ASAP2: variants seen among roughly 807,000 people sequenced by gnomAD.
ASAP2 encodes arf-GAP with SH3 domain, ANK repeat and PH domain-containing protein 2.
In ASAP2, 45 loss-of-function variants were observed where a neutral mutation model predicts 131.4. The observed-to-expected ratio is 0.34, with a 90% CI of 0.27 to 0.44. The LOEUF (loss-of-function observed/expected upper bound fraction) is 0.44, where lower values mean the gene tolerates loss of function less well. Ranked by LOEUF, ASAP2 falls within the 20% of genes least tolerant of loss-of-function variation. The pLI is 1.00. For missense variants in ASAP2, 1,011 were observed against 1,297.0 expected, an observed-to-expected ratio of 0.78 and a Z score of 3.39; for synonymous variants, 510 against 503.0, an observed-to-expected ratio of 1.01 and a Z score of -0.19.
intron 1 of ASAP2, among the ~76,000 whole-genome samples, chr2:9,212,603 T>C (rs115623695): frequency 2.2e-3 from 331 of 152,276 alleles, no homozygotes; most frequent in African/African-American, 7.1e-3. Context: ...TCCTCAATTC[T>C]TCCCATGCAC....
intron 1 of ASAP2, among the ~76,000 whole-genome samples, chr2:9,222,154 A>G (rs1662470534): frequency 6.6e-6 from 1 of 152,234 alleles, no homozygotes; most frequent in East Asian, 1.9e-4. Context: ...TGATTTGCAC[A>G]GAATAGGTGC....
At chr2:9,401,479 G>C in intron 27 of ASAP2, 83 bp downstream of exon 27, 1 of 1,533,124 alleles carries the variant, frequency 6.5e-7, no homozygotes, top group Non-Finnish European at 8.8e-7. Flanking sequence ...GCTTGCAGGT[G>C]AGGTTTTCTC....
At chr2:9,332,871 A>G (rs2148553872) in intron 7 of ASAP2, among the ~76,000 whole-genome samples, 1 of 152,372 alleles carries the variant, frequency 6.6e-6, no homozygotes, top group South Asian at 2.1e-4. Context: ...ATTCAGAAAA[A>G]AACGTATTAA....
intron 15 of ASAP2, 130 bp downstream of exon 15, chr2:9,359,019 G>C (rs570885551): frequency 1.7e-4 from 195 of 1,125,290 alleles, no homozygotes; most frequent in Admixed American, 3.3e-4. Flanking sequence ...TGGATAATTA[G>C]AAACTCATTG....
chr2:9,325,274 A>G (rs1670408434), intron 6 of ASAP2, among the ~76,000 whole-genome samples: 1 of 152,252 alleles, frequency 6.6e-6, no homozygotes, highest in South Asian at 2.1e-4. Context: ...AGAGTGGCAG[A>G]GAAATCAGCG....
At position 9,388,308 on chromosome 2, in the gene ASAP2, G is replaced by A. The variant is rs1387601903; in HGVS notation, c.2145G>A (p.Arg715=). 2 of 1,613,968 alleles carry A rather than the reference G, an allele frequency of 1.2e-6. No individual in the cohort carries two copies. The highest frequency in any genetic ancestry group is 1.7e-6 in the Non-Finnish European group (2 of 1,180,000). The change falls in exon 22 of 28, where the codon CGG becomes CGA. Residue 715 remains arginine (R), a synonymous_variant. Coordinates refer to ENST00000281419, the MANE Select transcript of ASAP2 (RefSeq NM_003887.3). ...MDEKLQPSPN[R]REDRPISFYQ... ...TTCTCCTGCAGCCCAGTCCCAACCG[G>A]CGGGAAGACCGGCCCATCAGCTTCT...
chr2:9,254,726 A>G (rs900829922), intron 1 of ASAP2, among the ~76,000 whole-genome samples: 3 of 151,520 alleles, frequency 2.0e-5, no homozygotes, highest in Non-Finnish European at 4.4e-5. Context: ...AAAACCCAGT[A>G]TATACAGGAT....
intron 1 of ASAP2, among the ~76,000 whole-genome samples, chr2:9,208,410 G>GTTTTTT (rs1558234532): frequency 1.4e-5 from 2 of 145,340 alleles, no homozygotes; most frequent in African/African-American, 5.2e-5. Flanking sequence ...TTTTTTTTCT[G>GTTTTTT]GTTTTTTTTT....
At chr2:9,376,320 G>C (rs144893725) in intron 17 of ASAP2, among the ~76,000 whole-genome samples, 2 of 152,282 alleles carry the variant, frequency 1.3e-5, no homozygotes, top group African/African-American at 2.4e-5. Flanking sequence ...TTCTCCTCTG[G>C]TTCTCTCACC....
intron 15 of ASAP2, among the ~76,000 whole-genome samples, chr2:9,359,622 T>C (rs1672954949): frequency 6.6e-6 from 1 of 152,236 alleles, no homozygotes; most frequent in African/African-American, 2.4e-5. Context: ...GTGATTGGCA[T>C]TGATTTTAAT....
At chr2:9,288,419 C>T (rs12469510) in intron 2 of ASAP2, among the ~76,000 whole-genome samples, 14,455 of 152,104 alleles carry the variant, frequency 0.095, 731 homozygotes, top group African/African-American at 0.14. Flanking sequence ...TCCAGGATCT[C>T]GTGAAACCAC....
intron 1 of ASAP2, chr2:9,271,637 A>T (rs983910573): frequency 2.2e-6 from 2 of 927,294 alleles, no homozygotes; most frequent in African/African-American, 1.7e-5. Context: ...ATACGATCCA[A>T]TTTCTTTTTC....
At chr2:9,259,073 C>T (rs369104120) in intron 1 of ASAP2, among the ~76,000 whole-genome samples, 6 of 152,236 alleles carry the variant, frequency 3.9e-5, no homozygotes, top group South Asian at 2.1e-4. Context: ...TGCTCTGGGC[C>T]GTGGTCCAGC....
Position 9,320,344 on chromosome 2 carries a change from G to A in ASAP2, c.470+7G>A, listed in dbSNP as rs376291601. On this transcript the variant is annotated splice_region_variant and intron_variant, in intron 5 of 27. Transcript: ENST00000281419. ...AGGACTATGAAACAAAAATGTGAGT[G>A]TTCTCGTTTTTAAATTTACGTATAG... 1.5e-5 allele frequency: 24 copies of A among 1,607,862 alleles called. 1 individual carries two copies. The African/African-American group carries it at 3.1e-4, about 21-fold the overall frequency.
intron 1 of ASAP2, among the ~76,000 whole-genome samples, chr2:9,263,579 C>T (rs6759684): frequency 0.058 from 8,820 of 152,302 alleles, 664 homozygotes; most frequent in African/African-American, 0.17. Context: ...AGATAGGGAT[C>T]CTGGCGAAGC....
intron 2 of ASAP2, among the ~76,000 whole-genome samples, chr2:9,283,755 C>G (rs1667280532): frequency 6.6e-6 from 1 of 152,216 alleles, no homozygotes; most frequent in South Asian, 2.1e-4. Flanking sequence ...GAGGGCTCTC[C>G]TCTCCTTCCT....
chr2:9,385,532 C>G (rs1410674880), intron 21 of ASAP2, among the ~76,000 whole-genome samples, 174 bp downstream of exon 21: 2 of 152,184 alleles, frequency 1.3e-5, no homozygotes, highest in Non-Finnish European at 2.9e-5. Flanking sequence ...CTACCATCTC[C>G]TGTCTCCCAG....
intron 22 of ASAP2, among the ~76,000 whole-genome samples, chr2:9,390,510 C>A (rs1029044228): frequency 6.6e-6 from 1 of 152,230 alleles, no homozygotes; most frequent in Non-Finnish European, 1.5e-5. Flanking sequence ...TTGTGGGTCA[C>A]CTGAACCTGA....
intron 15 of ASAP2, among the ~76,000 whole-genome samples, chr2:9,367,794 A>G (rs559581057): frequency 8.5e-5 from 13 of 152,374 alleles, no homozygotes; most frequent in African/African-American, 3.1e-4. Flanking sequence ...AATGTTTAAC[A>G]TGTCAGAAGA....
Sources: gnomAD v4.1 joint callset for allele counts (sites outside exome capture counted in the v4.1 genomes callset) on GRCh38, gnomAD v4.1.1 for gene constraint, MANE v1.5 for transcripts, NCBI Gene and HGNC (gene_info 2026-07-23, HGNC 2026-07-21) for gene names.